Variants in SHQ1 observed in about 807,000 individuals in gnomAD.
The protein encoded by SHQ1 is SHQ1, H/ACA ribonucleoprotein assembly factor.
In SHQ1, 49 loss-of-function variants were observed where a neutral mutation model predicts 53.8. That is an observed-to-expected ratio of 0.91 (90% CI 0.72 to 1.16). The LOEUF (loss-of-function observed/expected upper bound fraction) is 1.16, where lower values mean the gene tolerates loss of function less well. Among genes scored for constraint, SHQ1 ranks in the 50% most tolerant of loss-of-function variants. SHQ1 has a pLI of 0.00. For synonymous variants in SHQ1, 243 were observed against 251.0 expected (o/e 0.97, Z 0.30); for missense variants, 738 against 683.1 (o/e 1.08, Z -0.90).
intron 1 of SHQ1, chr3:72,846,111 G>A: frequency 8.7e-7 from 1 of 1,143,426 alleles, no homozygotes; most frequent in Non-Finnish European, 1.3e-6. Context: ...CGGCACAACA[G>A]GTGAGCATTC....
chr3:72,842,575 TA>T (rs1345075439), intron 2 of SHQ1, among the ~76,000 whole-genome samples, 173 bp from the exon 3 acceptor site: 3 of 151,440 alleles, frequency 2.0e-5, no homozygotes, highest in African/African-American at 7.3e-5. Context: ...CAGAAAATAA[TA>T]ATAAAATCAT....
intron 7 of SHQ1, among the ~76,000 whole-genome samples, chr3:72,816,807 A>G (rs1476867231): frequency 6.6e-6 from 1 of 152,176 alleles, no homozygotes; most frequent in South Asian, 2.1e-4. Flanking sequence ...AGATTTCTCT[A>G]TTTTGTAAAA....
intron 8 of SHQ1, among the ~76,000 whole-genome samples, chr3:72,813,485 G>T (rs891602046): frequency 3.7e-5 from 5 of 136,746 alleles, no homozygotes; most frequent in African/African-American, 1.1e-4. Context: ...AAAAAAAAAG[G>T]CCGGGTGCGG....
chr3:72,750,190 A>G lies in SHQ1; in HGVS notation c.*94T>C. 1 of 1,124,244 alleles carries G rather than the reference A, an allele frequency of 8.9e-7. No homozygotes were observed. The highest frequency in any genetic ancestry group is 1.3e-6 in the Non-Finnish European group (1 of 781,986). The allele number at this position is 1,124,244 out of a possible 1,614,324, so 69.6% of individuals were successfully genotyped here. A position where few individuals can be genotyped will look rare whatever the true frequency, so the allele number is the denominator to read the frequency against. On this transcript the variant is annotated 3_prime_UTR_variant, in exon 11 of 11. Coordinates refer to ENST00000325599, the MANE Select transcript of SHQ1 (RefSeq NM_018130.3). The stretch of plus-strand genomic sequence containing the variant: ...AAATACAGTGGGCTGACTATATACT[A>G]AGAAAAATTACAAAGTGAAAATGAA...
intron 9 of SHQ1, among the ~76,000 whole-genome samples, chr3:72,796,367 A>G (rs1222687745): frequency 1.3e-5 from 2 of 152,168 alleles, no homozygotes; most frequent in African/African-American, 4.8e-5. Flanking sequence ...TTAAGGTCAC[A>G]TATTTAATGA....
intron 10 of SHQ1, among the ~76,000 whole-genome samples, chr3:72,780,363 C>T (rs1706046581): frequency 6.6e-6 from 1 of 152,092 alleles, no homozygotes; most frequent in Non-Finnish European, 1.5e-5. Context: ...ACTGTTATGT[C>T]CCTTAAACAA....
Position 72,795,212 on chromosome 3 carries a change from G to A in SHQ1, c.1061-2176C>T, listed in dbSNP as rs141085393. 2.0e-5 allele frequency: 3 copies of A among 152,304 alleles called. No homozygotes were observed. The East Asian group carries it at 5.8e-4, about 29-fold the overall frequency. 9.4% of individuals were successfully genotyped at this position (152,304 alleles called of 1,614,324 possible). A position where few individuals can be genotyped will look rare whatever the true frequency, so the allele number is the denominator to read the frequency against. Reference sequence around the variant, plus strand: ...TAAAGAATGAATGAAGAATGTCAATGAAAGCTCCACTGCTAGACTGACTGT... The same window carrying A: ...TAAAGAATGAATGAAGAATGTCAATAAAAGCTCCACTGCTAGACTGACTGT... On this transcript the variant is annotated intron_variant, in intron 9 of 10. Coordinates refer to ENST00000325599, the MANE Select transcript of SHQ1 (RefSeq NM_018130.3).
chr3:72,846,124 A>G, intron 1 of SHQ1: 1 of 1,296,798 alleles, frequency 7.7e-7, no homozygotes, highest in African/African-American at 1.5e-5. Context: ...GAGCATTCAG[A>G]AAATGTGAGC....
the SHQ1 span, among the ~76,000 whole-genome samples, chr3:72,736,424 A>G: frequency 2.6e-5 from 4 of 151,996 alleles, no homozygotes; most frequent in Admixed American, 6.6e-5. Flanking sequence ...GCTATTAGGT[A>G]AGTACCTACA....
the SHQ1 span, among the ~76,000 whole-genome samples, chr3:72,736,490 T>TA: frequency 1.3e-5 from 2 of 151,618 alleles, no homozygotes; most frequent in Non-Finnish European, 2.9e-5. Context: ...AAAATTTTTT[T>TA]AAAAAAATCC....
chr3:72,793,670 T>C (rs1319370661), intron 9 of SHQ1: 1 of 152,206 alleles, frequency 6.6e-6, no homozygotes, highest in Non-Finnish European at 1.5e-5. Context: ...ATCATAATTT[T>C]TATTAGATAA....
chr3:72,743,851 A>C, the SHQ1 span, among the ~76,000 whole-genome samples: 2 of 152,196 alleles, frequency 1.3e-5, no homozygotes, highest in Non-Finnish European at 2.9e-5. Context: ...ACCATTACAA[A>C]TTGTTCTGGG....
the SHQ1 span, among the ~76,000 whole-genome samples, chr3:72,732,517 G>A: frequency 5.4e-4 from 80 of 148,920 alleles, no homozygotes; most frequent in African/African-American, 1.8e-3. Flanking sequence ...CAGGTACTTT[G>A]GAACCTTGGA....
chr3:72,778,611 C>T (rs186940125), intron 10 of SHQ1, among the ~76,000 whole-genome samples: 1 of 152,102 alleles, frequency 6.6e-6, no homozygotes, highest in East Asian at 1.9e-4. Context: ...CATAAGAAAA[C>T]ATTTTAAGAA....
At chr3:72,817,148 T>C in intron 7 of SHQ1, 82 bp downstream of exon 7, 2 of 1,456,532 alleles carry the variant, frequency 1.4e-6, no homozygotes, top group Non-Finnish European at 1.9e-6. Context: ...CCAGTTCTAC[T>C]CTAGACAAGA....
At chr3:72,736,134 CAGA>C in the SHQ1 span, among the ~76,000 whole-genome samples, 34 of 150,808 alleles carry the variant, frequency 2.3e-4, no homozygotes, top group African/African-American at 8.1e-4. Flanking sequence ...TCACTGTGGC[CAGA>C]AGAACAGGGT....
chr3:72,731,379 G>T, the SHQ1 span, among the ~76,000 whole-genome samples: 64 of 151,494 alleles, frequency 4.2e-4, 1 homozygote, highest in African/African-American at 1.4e-3. Flanking sequence ...TCATTAAAAA[G>T]TTTTTTTAAA....
At chr3:72,825,625 T>C (rs1374134381) in intron 5 of SHQ1, among the ~76,000 whole-genome samples, 1 of 152,176 alleles carries the variant, frequency 6.6e-6, no homozygotes, top group African/African-American at 2.4e-5. Flanking sequence ...AATGATTCTA[T>C]CTTGCATTCA....
At chr3:72,763,067 A>ACT (rs1559661743) in intron 10 of SHQ1, among the ~76,000 whole-genome samples, 2 of 139,170 alleles carry the variant, frequency 1.4e-5, no homozygotes, top group African/African-American at 6.0e-5. Context: ...ACACACAGAG[A>ACT]GAGAGAGAGA....
Sources: gnomAD v4.1 joint callset for allele counts (sites outside exome capture counted in the v4.1 genomes callset) on GRCh38, gnomAD v4.1.1 for gene constraint, MANE v1.5 for transcripts, NCBI Gene and HGNC (gene_info 2026-07-23, HGNC 2026-07-21) for gene names.